Variants in CALD1 observed in about 807,000 individuals in gnomAD.
CALD1 encodes caldesmon 1, also known as caldesmon.
A neutral mutation model predicts 99.9 loss-of-function variants in CALD1; 33 were observed. That is an observed-to-expected ratio of 0.33 (90% CI 0.25 to 0.44). The LOEUF (loss-of-function observed/expected upper bound fraction) is 0.44. Among genes scored for constraint, CALD1 ranks in the 20% least tolerant of loss-of-function variants. CALD1 has a pLI of 1.00. For synonymous variants in CALD1, 310 were observed against 325.0 expected (o/e 0.95, Z 0.50); for missense variants, 861 against 962.1 (o/e 0.89, Z 1.39).
At chr7:134,963,008 GACTCTTTAA>G (rs1207058102) in intron 13 of CALD1, 14 of 445,732 alleles carry the variant, frequency 3.1e-5, no homozygotes. Context: ...TTCTTAAAAG[GACTCTTTAA>G]ACTCTTTAAG....
upstream of CALD1, among the ~76,000 whole-genome samples, chr7:134,740,871 G>C (rs1476262369): frequency 6.6e-6 from 1 of 152,214 alleles, no homozygotes; most frequent in Non-Finnish European, 1.5e-5. Flanking sequence ...GTTGGAGTTA[G>C]CATTTATTGG....
rs35846091 is a variant in CALD1, at chr7:134,853,876, C to CT, written c.-42+9905_-42+9906insT. Among the ~76,000 whole-genome samples, 1,257 of 140,696 alleles carry CT rather than the reference C, an allele frequency of 8.9e-3. 16 individuals are homozygous for CT. Among genetic ancestry groups the CT allele is most frequent in the Middle Eastern group, 0.022 (6 of 276 alleles). The allele number at this position is 140,696 out of a possible 152,430, so 92.3% of individuals were successfully genotyped here. Reference sequence around the variant, plus strand: ...CTCCCGTAGCCCCCCACCCCCACCCCGACAGGTCCCAGTGTGTGATGTTCC... The same window carrying CT: ...CTCCCGTAGCCCCCCACCCCCACCCCTGACAGGTCCCAGTGTGTGATGTTCC... On this transcript the variant is annotated intron_variant, in intron 2 of 14. Coordinates refer to ENST00000361675, the MANE Select transcript of CALD1 (RefSeq NM_033138.4).
chr7:134,891,430 G>C (rs1280420973), intron 3 of CALD1: 2 of 1,305,072 alleles, frequency 1.5e-6, no homozygotes, highest in African/African-American at 3.0e-5. Context: ...TTTGGCTGAG[G>C]ACAAGCCCAG....
rs1236485567 is a variant in CALD1 at position 134,807,710 on chromosome 7, C to G, written c.-130+27961C>G. ...TGGAGCGATCTCAGCTCACTGCAAC[C>G]TCCGCCTCCCTAGTTCAAGCAATTC... On this transcript the variant is annotated intron_variant, in intron 1 of 14. Transcript: ENST00000361675. 4.6e-5 allele frequency among the ~76,000 whole-genome samples: 7 copies of G among 152,062 alleles called. No homozygotes were observed. In the South Asian group the frequency reaches 1.4e-3, roughly 31 times the overall value.
intron 3 of CALD1, 114 bp downstream of exon 3, chr7:134,867,918 T>C (rs1436293471): frequency 6.1e-6 from 3 of 495,426 alleles, no homozygotes; most frequent in East Asian, 6.9e-5. Context: ...ACCAAACTGT[T>C]CGCAAAAGTA....
intron 1 of CALD1, among the ~76,000 whole-genome samples, chr7:134,832,705 C>T (rs1039769682): frequency 6.6e-6 from 1 of 152,212 alleles, no homozygotes; most frequent in Non-Finnish European, 1.5e-5. Flanking sequence ...GGGAGAAATA[C>T]ACTCGCAAAA....
At position 134,933,941 on chromosome 7, in the gene CALD1, A is replaced by G. The variant is rs1805743261; in HGVS notation, c.1172A>G (p.Gln391Arg). Residue 391 changes from glutamine (Q) to arginine (R), a missense_variant, in exon 5 of 15, where the codon CAG (glutamine) becomes CGG (arginine). By Grantham distance (43) the Gln-to-Arg change is conservative. Coordinates refer to ENST00000361675, the MANE Select transcript of CALD1 (RefSeq NM_033138.4). ...GTAGAAGAGCAGAAACGTAACAAGCAGCTAGAAGAGAAAAAACATGCCATG... is the reference window on the plus strand; with the variant it reads ...GTAGAAGAGCAGAAACGTAACAAGCGGCTAGAAGAGAAAAAACATGCCATG... ...AKVEEQKRNK[Q>R]LEEKKHAMQE... The G allele has an allele frequency of 6.2e-7, 1 of 1,614,020 alleles. No individual in the cohort carries two copies. Among genetic ancestry groups the G allele is most frequent in the Non-Finnish European group, 8.5e-7 (1 of 1,179,992 alleles).
chr7:134,896,523 TG>T (rs145730018), intron 3 of CALD1, among the ~76,000 whole-genome samples: 6,572 of 152,330 alleles, frequency 0.043, 203 homozygotes, highest in Non-Finnish European at 0.07. Flanking sequence ...ATTGCAGCAC[TG>T]CACGAGCAGT....
chr7:134,757,776 G>A (rs1323881804), intron 1 of CALD1, among the ~76,000 whole-genome samples: 2 of 152,114 alleles, frequency 1.3e-5, no homozygotes, highest in African/African-American at 2.4e-5. Flanking sequence ...CTACTCGGGA[G>A]GCTGAGGCAG....
At chr7:134,834,751 T>C (rs145845415) in intron 1 of CALD1, among the ~76,000 whole-genome samples, 60 of 152,316 alleles carry the variant, frequency 3.9e-4, no homozygotes, top group African/African-American at 1.4e-3. Flanking sequence ...CTGATCTGAT[T>C]GATGATAGAA....
chr7:134,851,506 G>T (rs1276009278), intron 2 of CALD1, among the ~76,000 whole-genome samples: 1 of 152,182 alleles, frequency 6.6e-6, no homozygotes, highest in Non-Finnish European at 1.5e-5. Context: ...TAATGTCAGA[G>T]CTGGCCAAGA....
intron 2 of CALD1, among the ~76,000 whole-genome samples, chr7:134,861,100 C>T (rs906760483): frequency 6.6e-6 from 1 of 152,174 alleles, no homozygotes; most frequent in Non-Finnish European, 1.5e-5. Flanking sequence ...ATGGATATGT[C>T]ATGTGTGATA....
chr7:134,715,774 G>A, the CALD1 span, among the ~76,000 whole-genome samples: 4 of 152,316 alleles, frequency 2.6e-5, no homozygotes, highest in South Asian at 8.3e-4. Context: ...TCGAAGGCCA[G>A]TCAATGAAGG....
chr7:134,821,607 G>A (rs139168322), intron 1 of CALD1, among the ~76,000 whole-genome samples: 24,118 of 100,568 alleles, frequency 0.24, 3,276 homozygotes, highest in East Asian at 0.51. Flanking sequence ...TTTTGAGACA[G>A]AGTCTCGCTC....
chr7:134,923,559 A>T (rs1386342939), intron 3 of CALD1, among the ~76,000 whole-genome samples: 1 of 152,256 alleles, frequency 6.6e-6, no homozygotes, highest in East Asian at 1.9e-4. Flanking sequence ...ATGGATTATT[A>T]TGCTTTTATT....
chr7:134,931,984 T>C (rs750149715), intron 4 of CALD1, among the ~76,000 whole-genome samples: 6 of 152,220 alleles, frequency 3.9e-5, no homozygotes, highest in Non-Finnish European at 5.9e-5. Flanking sequence ...GTCTAGTTGG[T>C]AGAACCAGCC....
At chr7:134,775,346 T>C (rs983737674), upstream of CALD1, among the ~76,000 whole-genome samples, 1 of 152,210 alleles carries the variant, frequency 6.6e-6, no homozygotes, top group Non-Finnish European at 1.5e-5. Context: ...TATTTTTAGG[T>C]CTTTACTTTT....
intron 1 of CALD1, among the ~76,000 whole-genome samples, chr7:134,761,814 C>A (rs1796780659): frequency 6.6e-6 from 1 of 152,148 alleles, no homozygotes; most frequent in Non-Finnish European, 1.5e-5. Flanking sequence ...GGTGGCACAA[C>A]CCGTTGGATG....
chr7:134,815,045 G>A (rs1466388670), intron 1 of CALD1, among the ~76,000 whole-genome samples: 4 of 152,120 alleles, frequency 2.6e-5, no homozygotes, highest in Non-Finnish European at 5.9e-5. Flanking sequence ...CAGTTTTGCC[G>A]TGGTCTAGCT....
Sources: allele counts gnomAD v4.1 joint callset (sites outside exome capture counted in the v4.1 genomes callset), GRCh38; gene constraint gnomAD v4.1.1; transcripts MANE v1.5; gene names NCBI Gene and HGNC (gene_info 2026-07-23, HGNC 2026-07-21).